RNF150: variants seen among roughly 807,000 people sequenced by gnomAD.
The protein encoded by RNF150 is ring finger protein 150.
In RNF150, 24 loss-of-function variants were observed where a neutral mutation model predicts 39.3. That is an observed-to-expected ratio of 0.61 (90% CI 0.44 to 0.86). The LOEUF (loss-of-function observed/expected upper bound fraction) is 0.86, where lower values mean the gene tolerates loss of function less well. RNF150 is among the 40% of genes least tolerant of loss of function. RNF150 has a pLI of 0.00. For synonymous variants in RNF150, 255 were observed against 227.3 expected, an observed-to-expected ratio of 1.12 and a Z score of -1.10; for missense variants, 502 against 587.8, an observed-to-expected ratio of 0.85 and a Z score of 1.51.
rs149362733 is a variant in RNF150, at chr4:141,109,202, A to G, written c.484+23123T>C. On this transcript the variant is annotated intron_variant, in intron 1 of 6. Coordinates refer to ENST00000515673, the MANE Select transcript of RNF150 (RefSeq NM_020724.2). ...TTCCAAATAATACAATATCATTACT[A>G]TAATCTCTTTGTTCCTATTGCACCA... 3.0e-3 allele frequency among the ~76,000 whole-genome samples: 463 copies of G among 152,276 alleles called. 1 individual carries two copies. Among genetic ancestry groups the G allele is most frequent in the African/African-American group, 9.9e-3 (411 of 41,574 alleles).
At position 141,132,006 on chromosome 4, in the gene RNF150, G is replaced by C. The variant is rs965121937; in HGVS notation, c.484+319C>G. 6.6e-6 allele frequency among the ~76,000 whole-genome samples: 1 copy of C among 152,090 alleles called. No individual in the cohort carries two copies. The highest frequency in any genetic ancestry group is 1.5e-5 in the Non-Finnish European group (1 of 68,030). Reference sequence around the variant, plus strand: ...AGGTGCTGGGCCGGTCACTAACCAAGAACAGTATCTGAGCCCTACCCTCCA... The same window carrying C: ...AGGTGCTGGGCCGGTCACTAACCAACAACAGTATCTGAGCCCTACCCTCCA... On this transcript the variant is annotated intron_variant, in intron 1 of 6. Coordinates refer to ENST00000515673, the MANE Select transcript of RNF150 (RefSeq NM_020724.2). This position sits in a 1 kb window ranked among gnomAD's most constrained non-coding sequence, Gnocchi z 4.9.
intron 6 of RNF150, among the ~76,000 whole-genome samples, chr4:140,910,516 A>C (rs1444044499): frequency 6.6e-6 from 1 of 152,182 alleles, no homozygotes; most frequent in East Asian, 1.9e-4. Flanking sequence ...TCTATGTATG[A>C]GATGGGGGAA....
intron 1 of RNF150, among the ~76,000 whole-genome samples, chr4:141,042,318 C>T (rs991629620): frequency 2.0e-4 from 30 of 152,014 alleles, no homozygotes; most frequent in African/African-American, 7.0e-4. Flanking sequence ...ACTTAGTCAA[C>T]AAATTTAAAT....
chr4:140,869,403 A>T (rs1375933516), intron 6 of RNF150, among the ~76,000 whole-genome samples: 1 of 152,002 alleles, frequency 6.6e-6, no homozygotes, highest in Non-Finnish European at 1.5e-5. Flanking sequence ...TTCTGTTAAC[A>T]TTTTTTTTCA....
At chr4:141,203,057 T>TTATATATATATATA (rs746890764) in intron 1 of RNF150, among the ~76,000 whole-genome samples, 6 of 120,202 alleles carry the variant, frequency 5.0e-5, no homozygotes, top group African/African-American at 9.9e-5. Context: ...CTTGGAGATT[T>TTATATATATATATA]TATATATATA....
intron 1 of RNF150, among the ~76,000 whole-genome samples, chr4:141,180,652 T>C (rs1727892412): frequency 6.6e-6 from 1 of 152,202 alleles, no homozygotes; most frequent in Non-Finnish European, 1.5e-5. Flanking sequence ...TTTGGTGCCA[T>C]ACTCCTCATC....
At chr4:140,909,322 A>C (rs1354085059) in intron 6 of RNF150, among the ~76,000 whole-genome samples, 1 of 152,176 alleles carries the variant, frequency 6.6e-6, no homozygotes, top group East Asian at 1.9e-4. Context: ...AGCATTTCAA[A>C]TGTGGCTAGT....
intron 1 of RNF150, among the ~76,000 whole-genome samples, chr4:141,082,641 T>A (rs992508005): frequency 2.0e-5 from 3 of 151,708 alleles, no homozygotes; most frequent in Admixed American, 2.0e-4. Context: ...CAGGCTGGAG[T>A]GCAGTGGCGG....
rs1343830445 is a variant in RNF150 at position 141,132,281 on chromosome 4, C to T, written c.484+44G>A. On this transcript the variant is annotated intron_variant, in intron 1 of 6. Transcript: ENST00000515673. This position sits in a 1 kb window ranked among gnomAD's most constrained non-coding sequence, Gnocchi z 4.9. ...GGCGCTGGATCCCTCTAGGCACCTC[C>T]GTCCCCGCCGGCTCCCCTCCCCCGC... 3 of 1,548,636 alleles carry T rather than the reference C, an allele frequency of 1.9e-6. No homozygotes were observed. The highest frequency in any genetic ancestry group is 2.6e-6 in the Non-Finnish European group (3 of 1,144,912).
intron 6 of RNF150, among the ~76,000 whole-genome samples, chr4:140,876,923 T>C (rs61687832): frequency 0.011 from 1,653 of 152,360 alleles, 35 homozygotes; most frequent in African/African-American, 0.037. Flanking sequence ...TGTTCCATAA[T>C]TGCAAATATA....
chr4:141,175,653 C>T (rs111877091), intron 1 of RNF150, among the ~76,000 whole-genome samples: 16 of 152,294 alleles, frequency 1.1e-4, no homozygotes, highest in African/African-American at 2.6e-4. Flanking sequence ...TGATTGATTG[C>T]ACTCAGAACA....
chr4:141,053,128 T>A (rs906344010), intron 1 of RNF150, among the ~76,000 whole-genome samples: 2 of 152,186 alleles, frequency 1.3e-5, no homozygotes, highest in African/African-American at 4.8e-5. Flanking sequence ...AAGTTACCAC[T>A]TTCCCGATCA....
chr4:141,048,932 A>C (rs1414699673), intron 1 of RNF150, among the ~76,000 whole-genome samples: 1 of 152,170 alleles, frequency 6.6e-6, no homozygotes, highest in East Asian at 1.9e-4. Context: ...CCTTTGTGAT[A>C]AAATCTGACA....
chr4:141,035,801 T>C (rs1736118178), intron 1 of RNF150, among the ~76,000 whole-genome samples: 1 of 152,166 alleles, frequency 6.6e-6, no homozygotes, highest in African/African-American at 2.4e-5. Flanking sequence ...TTTAATGGTG[T>C]CATTTCAATT....
intron 4 of RNF150, among the ~76,000 whole-genome samples, chr4:140,938,824 A>G (rs1224712327): frequency 6.6e-6 from 1 of 152,184 alleles, no homozygotes; most frequent in Non-Finnish European, 1.5e-5. Context: ...CCTTGGGGAC[A>G]GGAGTTCATG....
rs1560679192 is a variant in RNF150, at chr4:141,000,042, A to AAGG, written c.485-32170_485-32169insCCT. 4.4e-4 allele frequency among the ~76,000 whole-genome samples: 31 copies of AAGG among 70,032 alleles called. 4 individuals are homozygous for AAGG. The highest frequency in any genetic ancestry group is 1.3e-3 in the African/African-American group (31 of 24,074). 45.9% of individuals were successfully genotyped at this position (70,032 alleles called of 152,430 possible). ...GAAGAAGAAGAAGAAGAAGAAGAAGAAGAAGAAGAAGAAGAAGAAGAAGAA... is the reference window on the plus strand; with the variant it reads ...GAAGAAGAAGAAGAAGAAGAAGAAGAAGGAGAAGAAGAAGAAGAAGAAGAAGAA... On this transcript the variant is annotated intron_variant, in intron 1 of 6. Coordinates refer to ENST00000515673, the MANE Select transcript of RNF150 (RefSeq NM_020724.2).
At chr4:140,868,502 G>A in intron 6 of RNF150, 123 bp from the exon 7 acceptor site, 3 of 628,640 alleles carry the variant, frequency 4.8e-6, no homozygotes, top group East Asian at 2.7e-5. Context: ...AGAAAAATTG[G>A]GTATTCTGTA....
intron 1 of RNF150, among the ~76,000 whole-genome samples, chr4:141,123,967 T>C (rs544579353): frequency 6.6e-6 from 1 of 152,138 alleles, no homozygotes. Context: ...GATATTTGGG[T>C]TGGTTCCAAG....
rs17340753 is a variant in RNF150 at position 140,997,200 on chromosome 4, G to A, written c.485-29327C>T. Among the ~76,000 whole-genome samples, 1,078 of 152,282 alleles carry A rather than the reference G, an allele frequency of 7.1e-3. 6 individuals are homozygous for A. The highest frequency in any genetic ancestry group is 7.6e-3 in the Non-Finnish European group (516 of 68,032). On this transcript the variant is annotated intron_variant, in intron 1 of 6. Transcript: ENST00000515673. ...ACAGGTGATTACTGCAGCCCAGTTT[G>A]TATATGTGAGAAAACTATAATTTAT...
Sources: allele counts gnomAD v4.1 joint callset (sites outside exome capture counted in the v4.1 genomes callset), GRCh38; gene constraint gnomAD v4.1.1; non-coding constraint Gnocchi (gnomAD v3.1); transcripts MANE v1.5; gene names NCBI Gene and HGNC (gene_info 2026-07-23, HGNC 2026-07-21).